The following EFTUD2 variants were observed in gnomAD, a reference collection of about 807,000 sequenced individuals.
EFTUD2 encodes the protein elongation factor Tu GTP binding domain containing 2.
EFTUD2 carries 9 observed loss-of-function variants against 114.3 expected under a neutral mutation model. That is an observed-to-expected ratio of 0.08 (90% CI 0.05 to 0.14). EFTUD2 has a LOEUF of 0.14. Ranked by LOEUF, EFTUD2 falls within the 10% of genes least tolerant of loss-of-function variation. The probability of loss-of-function intolerance (pLI) is 1.00; values close to 1 mark genes in which losing one functional copy is unlikely to be tolerated. For synonymous variants in EFTUD2, 449 were observed against 462.3 expected, an observed-to-expected ratio of 0.97 and a Z score of 0.37; for missense variants, 765 against 1,241.2, an observed-to-expected ratio of 0.62 and a Z score of 5.76.
At chr17:44,898,865 C>T (rs1022837772) in intron 1 of EFTUD2, 1 of 152,196 alleles carries the variant, frequency 6.6e-6, no homozygotes, top group Non-Finnish European at 1.5e-5. Context: ...CTAGCATAGA[C>T]TAAGCCCTCA....
Position 44,862,917 on chromosome 17 carries a change from G to T in EFTUD2, c.1414-11C>A, listed in dbSNP as rs756833576. 6.2e-7 allele frequency: 1 copy of T among 1,604,798 alleles called. No homozygotes were observed. Among genetic ancestry groups the T allele is most frequent in the Non-Finnish European group, 8.5e-7 (1 of 1,172,590 alleles). On this transcript the variant is annotated splice_polypyrimidine_tract_variant and intron_variant, in intron 15 of 27. Transcript: ENST00000426333. The stretch of plus-strand genomic sequence containing the variant: ...GCACATCAGGGGGCCCTGGAAGAGG[G>T]GACAGGGTGCAGCTTCAACCACATC...
At chr17:44,883,778 G>C in intron 4 of EFTUD2, 54 bp from the exon 5 acceptor site, 2 of 1,570,580 alleles carry the variant, frequency 1.3e-6, no homozygotes, top group Non-Finnish European at 1.8e-6. Flanking sequence ...TTCCAAATGA[G>C]GAGTGGTGTA....
At chr17:44,881,338 C>T (rs80034508) in intron 7 of EFTUD2, among the ~76,000 whole-genome samples, 1,857 of 152,290 alleles carry the variant, frequency 0.012, 38 homozygotes, top group African/African-American at 0.042. Context: ...ACTCATCCTG[C>T]GGATTTTTAA....
chr17:44,894,833 G>C (rs937192203), intron 1 of EFTUD2, among the ~76,000 whole-genome samples: 3 of 152,174 alleles, frequency 2.0e-5, no homozygotes, highest in African/African-American at 7.2e-5. Flanking sequence ...ACAGAGATGG[G>C]GCGTGGGGGG....
intron 11 of EFTUD2, among the ~76,000 whole-genome samples, chr17:44,871,618 C>T (rs1196459897): frequency 3.3e-5 from 5 of 152,150 alleles, no homozygotes; most frequent in East Asian, 1.9e-4. Context: ...GGATTACAGG[C>T]GTGAGCCACC....
intron 16 of EFTUD2, among the ~76,000 whole-genome samples, chr17:44,861,432 GAAAA>G (rs35487111): frequency 2.0e-5 from 2 of 100,204 alleles, no homozygotes; most frequent in Non-Finnish European, 2.0e-5. Flanking sequence ...CTGACAGAGA[GAAAA>G]AAAAAAAAAA....
chr17:44,856,848 T>G lies in EFTUD2; in HGVS notation c.2045+227A>C, dbSNP rs181530153. Reference sequence around the variant, plus strand: ...TTTTATAGAGACAAAGTGGCAGTTATGAAACTCCTCTTGGGAATACCCAAG... The same window carrying G: ...TTTTATAGAGACAAAGTGGCAGTTAGGAAACTCCTCTTGGGAATACCCAAG... On this transcript the variant is annotated intron_variant, in intron 20 of 27. Coordinates refer to ENST00000426333, the MANE Select transcript of EFTUD2 (RefSeq NM_004247.4). Among the ~76,000 whole-genome samples, 125 of 152,186 alleles carry G rather than the reference T, an allele frequency of 8.2e-4. 1 individual carries two copies. The highest frequency in any genetic ancestry group is 2.8e-3 in the African/African-American group (117 of 41,516).
In EFTUD2 at chr17:44,872,477, G is replaced by T; in HGVS notation, c.963C>A (p.Gly321=). 1 of 1,613,402 alleles carries T rather than the reference G, an allele frequency of 6.2e-7. No homozygotes were observed. The highest frequency in any genetic ancestry group is 8.5e-7 in the Non-Finnish European group (1 of 1,179,532). Residue 321 remains glycine, a synonymous_variant, in exon 11 of 28, where the codon GGC becomes GGA. Transcript: ENST00000426333. ...TGTCGGCATAGATCTTGGCAAAGGA[G>T]CCCAGCGTGAAGCAGATGCTGTACT... ...SSQYSICFTL[G]SFAKIYADTF...
At chr17:44,882,225 C>G (rs1448550380) in intron 6 of EFTUD2, among the ~76,000 whole-genome samples, 10 of 152,062 alleles carry the variant, frequency 6.6e-5, no homozygotes, top group Non-Finnish European at 1.5e-4. Flanking sequence ...TGAGCCACCA[C>G]ACATGGCTGG....
chr17:44,894,522 G>A lies in EFTUD2; in HGVS notation c.-1C>T, dbSNP rs532901514. ...ACTCATCATATAAGTCGGTATCCAT[G>A]ATGCTAAAATTCAAGGAGAGAAGAG... On this transcript the variant is annotated 5_prime_UTR_variant, in exon 2 of 28. Transcript: ENST00000426333. 17 of 1,611,276 alleles carry A rather than the reference G, an allele frequency of 1.1e-5. No individual in the cohort carries two copies. The highest frequency in any genetic ancestry group is 1.7e-4 in the Middle Eastern group (1 of 6,054).
Position 44,855,013 on chromosome 17 carries a change from A to C in EFTUD2, c.2046-9T>G. The C allele has an allele frequency of 6.2e-7, 1 of 1,612,692 alleles. No homozygotes were observed. The highest frequency in any genetic ancestry group is 8.5e-7 in the Non-Finnish European group (1 of 1,178,722). ...TCATGGTGATCTTGTTCCTGGTCAG[A>C]ATGGAAATGGGTGGTAAGGACGGCT... On this transcript the variant is annotated splice_polypyrimidine_tract_variant and intron_variant, in intron 20 of 27. Transcript: ENST00000426333.
chr17:44,854,133 C>A lies in EFTUD2; in HGVS notation c.2347+136G>T. 7.1e-7 allele frequency: 1 copy of A among 1,415,328 alleles called. No individual in the cohort carries two copies. Among genetic ancestry groups the A allele is most frequent in the Non-Finnish European group, 9.4e-7 (1 of 1,062,752 alleles). The allele number at this position is 1,415,328 out of a possible 1,614,324, so 87.7% of individuals were successfully genotyped here. On this transcript the variant is annotated intron_variant, in intron 23 of 27. Transcript: ENST00000426333. This position sits in a 1 kb window ranked among gnomAD's most constrained non-coding sequence, Gnocchi z 4.3. ...AAGGAAGGAAAAGGGAAGAAGCTGG[C>A]CCAGGACTTGGGATGGTCCTGTGTA...
intron 2 of EFTUD2, among the ~76,000 whole-genome samples, chr17:44,888,361 G>A (rs1167692065): frequency 1.3e-5 from 2 of 152,164 alleles, no homozygotes; most frequent in Non-Finnish European, 2.9e-5. Context: ...AACACACAGA[G>A]TCCTCACAGA....
intron 2 of EFTUD2, among the ~76,000 whole-genome samples, chr17:44,889,566 G>A (rs958253483): frequency 3.3e-5 from 5 of 152,198 alleles, no homozygotes; most frequent in African/African-American, 1.2e-4. Context: ...ACAGAAACAT[G>A]AACAAATCAT....
At chr17:44,872,097 A>T (rs1418005374) in intron 11 of EFTUD2, among the ~76,000 whole-genome samples, 3 of 152,218 alleles carry the variant, frequency 2.0e-5, no homozygotes, top group African/African-American at 4.8e-5. Context: ...GGCTAGAAGC[A>T]CTAACAGTGA....
At chr17:44,852,339 A>G in intron 26 of EFTUD2, 70 bp downstream of exon 26, 1 of 1,593,904 alleles carries the variant, frequency 6.3e-7, no homozygotes, top group Non-Finnish European at 8.6e-7. Context: ...TTGGAGAGGG[A>G]TCAGGACAGA....
intron 3 of EFTUD2, among the ~76,000 whole-genome samples, chr17:44,885,635 A>G (rs1052297058): frequency 6.6e-6 from 1 of 152,100 alleles, no homozygotes; most frequent in Non-Finnish European, 1.5e-5. Context: ...TGCATTTATA[A>G]GATGCAATCA....
At chr17:44,855,064 T>C in intron 20 of EFTUD2, 60 bp from the exon 21 acceptor site, 1 of 1,440,304 alleles carries the variant, frequency 6.9e-7, no homozygotes, top group South Asian at 1.1e-5. Flanking sequence ...GAGGCATTAC[T>C]AAGAAAAGGG....
At chr17:44,863,890 T>A in intron 14 of EFTUD2, 108 bp from the exon 15 acceptor site, 1 of 1,434,030 alleles carries the variant, frequency 7.0e-7, no homozygotes, top group Non-Finnish European at 9.4e-7. Flanking sequence ...CGGGGACTGA[T>A]TGTTAGCTCT....
Sources: gnomAD v4.1 joint callset for allele counts (sites outside exome capture counted in the v4.1 genomes callset) on GRCh38, gnomAD v4.1.1 for gene constraint, Gnocchi (gnomAD v3.1) non-coding constraint, MANE v1.5 for transcripts, NCBI Gene and HGNC (gene_info 2026-07-23, HGNC 2026-07-21) for gene names.